SLC14A2: variants seen among roughly 807,000 people sequenced by gnomAD.
SLC14A2 encodes the protein urea transporter 2.
Under a neutral mutation model 104.6 loss-of-function variants are expected in SLC14A2, and 91 were observed. The ratio of observed to expected loss-of-function variants is 0.87; its 90% confidence interval spans 0.73 to 1.04. The LOEUF is 1.04. Ranked by LOEUF, SLC14A2 falls within the 50% of genes least tolerant of loss-of-function variation. The pLI is 0.00. For synonymous variants in SLC14A2, 476 were observed against 466.4 expected (o/e 1.02, Z -0.27); for missense variants, 1,189 against 1,156.0 (o/e 1.03, Z -0.41).
chr18:45,542,984 C>T (rs2543028), intron 2 of SLC14A2, among the ~76,000 whole-genome samples: 136,221 of 152,084 alleles, frequency 0.9, 61,242 homozygotes, highest in East Asian at 1. Flanking sequence ...AGTCTCACCT[C>T]GTTGCCCAGG....
the SLC14A2 span, among the ~76,000 whole-genome samples, chr18:45,182,657 C>A: frequency 6.6e-6 from 1 of 151,566 alleles, no homozygotes; most frequent in Non-Finnish European, 1.5e-5. Context: ...AAAAACAAGT[C>A]CTTTTAAAAA....
chr18:45,303,779 AT>A (rs921595475), intron 1 of SLC14A2, among the ~76,000 whole-genome samples: 1 of 152,176 alleles, frequency 6.6e-6, no homozygotes, highest in African/African-American at 2.4e-5. Context: ...ATATGTTATT[AT>A]TTTTTTCCTT....
At chr18:45,514,736 A>T (rs1444190156) in intron 2 of SLC14A2, among the ~76,000 whole-genome samples, 1 of 152,210 alleles carries the variant, frequency 6.6e-6, no homozygotes, top group East Asian at 1.9e-4. Flanking sequence ...TGAAGGATAC[A>T]AAGATGAGTA....
At chr18:45,397,954 TAAC>T (rs2086054372) in intron 1 of SLC14A2, among the ~76,000 whole-genome samples, 2 of 143,754 alleles carry the variant, frequency 1.4e-5, no homozygotes, top group Non-Finnish European at 3.1e-5. Context: ...AATAAATAAA[TAAC>T]GAAACTGCCA....
rs866806537 is a variant in SLC14A2 at position 45,464,216 on chromosome 18, T to C, written c.-124-19017T>C. 3.9e-5 allele frequency among the ~76,000 whole-genome samples: 6 copies of C among 152,342 alleles called. 1 individual carries two copies. In the Middle Eastern group the frequency reaches 0.017, roughly 432 times the overall value. On this transcript the variant is annotated intron_variant, in intron 1 of 20. Transcript: ENST00000586448. ...TAAATATCTGAGTTCTTGTCTGGTC[T>C]TTGCTACCAACTAACTGTCTGATTT...
At chr18:45,214,672 C>A (rs933601159) in intron 1 of SLC14A2, among the ~76,000 whole-genome samples, 9 of 152,096 alleles carry the variant, frequency 5.9e-5, no homozygotes, top group African/African-American at 1.9e-4. Context: ...GGTACTCAGA[C>A]AGCTCTCTCA....
intron 1 of SLC14A2, among the ~76,000 whole-genome samples, chr18:45,617,029 T>A (rs1262994295): frequency 6.6e-6 from 1 of 151,624 alleles, no homozygotes; most frequent in African/African-American, 2.4e-5. Flanking sequence ...ACCCGGGAGG[T>A]GGAGGTTGCA....
chr18:45,535,447 G>A (rs1044074860), intron 2 of SLC14A2, among the ~76,000 whole-genome samples: 2 of 152,160 alleles, frequency 1.3e-5, no homozygotes, highest in South Asian at 2.1e-4. Context: ...CCGTTACTCC[G>A]TAGCGTTCTT....
intron 1 of SLC14A2, among the ~76,000 whole-genome samples, chr18:45,288,976 A>G (rs2084842715): frequency 6.6e-6 from 1 of 152,200 alleles, no homozygotes; most frequent in Admixed American, 6.5e-5. Flanking sequence ...CCTGCTGCTC[A>G]CTAACCCAGG....
chr18:45,332,938 C>A (rs2085303898), intron 1 of SLC14A2, among the ~76,000 whole-genome samples: 1 of 152,178 alleles, frequency 6.6e-6, no homozygotes, highest in African/African-American at 2.4e-5. Flanking sequence ...CATTCAGATC[C>A]TGACTATTAG....
chr18:45,322,293 G>A (rs144477138), intron 1 of SLC14A2, among the ~76,000 whole-genome samples: 129 of 152,304 alleles, frequency 8.5e-4, no homozygotes, highest in Non-Finnish European at 1.4e-3. Context: ...GAGCCTGGAG[G>A]TTGTGGCCAT....
chr18:45,250,142 C>G (rs2084406513), intron 1 of SLC14A2, among the ~76,000 whole-genome samples: 1 of 152,094 alleles, frequency 6.6e-6, no homozygotes, highest in African/African-American at 2.4e-5. Flanking sequence ...ATTGATAACA[C>G]TACTGAAAAT....
chr18:45,483,949 TG>T (rs71373712), intron 2 of SLC14A2, among the ~76,000 whole-genome samples: 22,566 of 152,202 alleles, frequency 0.15, 1,774 homozygotes, highest in Middle Eastern at 0.24. Context: ...GCCTCAAAGA[TG>T]GCAGAGGATT....
intron 1 of SLC14A2, among the ~76,000 whole-genome samples, chr18:45,286,932 A>C (rs557641599): frequency 6.6e-6 from 1 of 152,226 alleles, no homozygotes; most frequent in South Asian, 2.1e-4. Context: ...ACCCAGCCCC[A>C]GTGTAAAATC....
At chr18:45,570,202 C>T (rs961370100) in intron 2 of SLC14A2, among the ~76,000 whole-genome samples, 1 of 152,138 alleles carries the variant, frequency 6.6e-6, no homozygotes, top group African/African-American at 2.4e-5. Flanking sequence ...TTAGCTCCAT[C>T]CCTAATTTTC....
At chr18:45,301,561 T>C (rs1375586629) in intron 1 of SLC14A2, among the ~76,000 whole-genome samples, 1 of 152,220 alleles carries the variant, frequency 6.6e-6, no homozygotes, top group Non-Finnish European at 1.5e-5. Context: ...GAAAAACTGG[T>C]TATTGGCATC....
chr18:45,466,572 G>A lies in SLC14A2; in HGVS notation c.-124-16661G>A, dbSNP rs951673156. Among the ~76,000 whole-genome samples the A allele has an allele frequency of 4.1e-5, 6 of 147,392 alleles. No homozygotes were observed. In the East Asian group the frequency reaches 6.0e-4, roughly 15 times the overall value. On this transcript the variant is annotated intron_variant, in intron 1 of 20. Transcript: ENST00000586448. ...GAGAGAAGATGCATCCTAGATAGAT[G>A]GAATCACCCAAGCCAAGGCACAGAG...
chr18:45,460,380 T>G (rs540896425), intron 1 of SLC14A2, among the ~76,000 whole-genome samples: 4 of 152,230 alleles, frequency 2.6e-5, no homozygotes, highest in African/African-American at 7.2e-5. Context: ...TATCCCCACA[T>G]GTACACACTA....
At chr18:45,466,314 CAA>C (rs1169141499) in intron 1 of SLC14A2, among the ~76,000 whole-genome samples, 2 of 151,452 alleles carry the variant, frequency 1.3e-5, no homozygotes, top group Non-Finnish European at 2.9e-5. Flanking sequence ...TGGACAAAGA[CAA>C]AGAGAGGCAG....
Sources: allele counts gnomAD v4.1 joint callset (sites outside exome capture counted in the v4.1 genomes callset), GRCh38; gene constraint gnomAD v4.1.1; transcripts MANE v1.5; gene names NCBI Gene and HGNC (gene_info 2026-07-23, HGNC 2026-07-21).